The following SERPINB10 variants were observed in gnomAD, a reference collection of about 807,000 sequenced individuals.
SERPINB10 encodes serpin family B member 10.
In SERPINB10, 35 loss-of-function variants were observed where a neutral mutation model predicts 39.1. That is an observed-to-expected ratio of 0.90 (90% confidence interval 0.68 to 1.19). The LOEUF (loss-of-function observed/expected upper bound fraction) is 1.19, where lower values mean the gene tolerates loss of function less well. Ranked by LOEUF, SERPINB10 falls within the 50% of genes most tolerant of loss-of-function variation. The probability of loss-of-function intolerance (pLI) is 0.00; values close to 1 mark genes in which losing one functional copy is unlikely to be tolerated. For missense variants in SERPINB10, 546 were observed against 460.5 expected (o/e 1.19, Z -1.70); for synonymous variants, 190 against 158.1 (o/e 1.20, Z -1.52).
intron 2 of SERPINB10, among the ~76,000 whole-genome samples, chr18:63,916,239 AAT>A (rs59292522): frequency 0.11 from 16,822 of 151,546 alleles, 2,175 homozygotes; most frequent in African/African-American, 0.3. Flanking sequence ...TGCGTATGTA[AAT>A]ATATATATGT....
At chr18:63,934,151 A>G (rs781486479) in intron 7 of SERPINB10, among the ~76,000 whole-genome samples, 16 of 152,212 alleles carry the variant, frequency 1.1e-4, no homozygotes, top group Non-Finnish European at 1.8e-4. Context: ...ATGCATGTGC[A>G]TTGAAACAAA....
intron 6 of SERPINB10, among the ~76,000 whole-genome samples, chr18:63,930,518 A>G (rs1227232743): frequency 6.6e-6 from 1 of 152,160 alleles, no homozygotes; most frequent in East Asian, 1.9e-4. Flanking sequence ...CAAGAACCTA[A>G]GAGTCCTCAC....
chr18:63,908,951 C>T (rs2050044933), intron 1 of SERPINB10, among the ~76,000 whole-genome samples: 1 of 152,034 alleles, frequency 6.6e-6, no homozygotes, highest in South Asian at 2.1e-4. Context: ...TATTCACAGT[C>T]AAGATAACAC....
intron 4 of SERPINB10, among the ~76,000 whole-genome samples, chr18:63,918,844 A>G (rs1176892482): frequency 6.6e-6 from 1 of 151,988 alleles, no homozygotes. Context: ...CGTTTGATGC[A>G]GAAGTAGGAG....
At chr18:63,922,068 A>G (rs985386168) in intron 5 of SERPINB10, among the ~76,000 whole-genome samples, 1 of 151,884 alleles carries the variant, frequency 6.6e-6, no homozygotes, top group Non-Finnish European at 1.5e-5. Context: ...TTATACATCT[A>G]TGTCCCCTGC....
intron 4 of SERPINB10, 64 bp from the exon 5 acceptor site, chr18:63,919,724 A>G: frequency 3.6e-6 from 4 of 1,124,312 alleles, no homozygotes; most frequent in Non-Finnish European, 3.9e-6. Context: ...GATAATCTAA[A>G]TAGATTTGAT....
chr18:63,918,628 G>C (rs2050122490), intron 4 of SERPINB10, among the ~76,000 whole-genome samples: 1 of 151,922 alleles, frequency 6.6e-6, no homozygotes, highest in South Asian at 2.1e-4. Context: ...TGTGTCCAGT[G>C]GGCAAAGAGC....
intron 5 of SERPINB10, among the ~76,000 whole-genome samples, chr18:63,923,695 T>C (rs1351208088): frequency 6.6e-6 from 1 of 151,982 alleles, no homozygotes; most frequent in African/African-American, 2.4e-5. Context: ...CAAAATTGTG[T>C]ATATTATTTA....
At chr18:63,926,521 T>C (rs570058561) in intron 5 of SERPINB10, among the ~76,000 whole-genome samples, 1 of 152,078 alleles carries the variant, frequency 6.6e-6, no homozygotes, top group South Asian at 2.1e-4. Context: ...CCCACCACGG[T>C]GATACTCTCA....
chr18:63,932,531 TC>T (rs2050230555), intron 6 of SERPINB10, among the ~76,000 whole-genome samples: 1 of 152,200 alleles, frequency 6.6e-6, no homozygotes, highest in Non-Finnish European at 1.5e-5. Context: ...GTTTCTTAGA[TC>T]TTTTGCCCAT....
intron 1 of SERPINB10, among the ~76,000 whole-genome samples, chr18:63,909,956 A>G (rs987336956): frequency 6.6e-5 from 10 of 152,040 alleles, no homozygotes; most frequent in African/African-American, 2.4e-4. Flanking sequence ...ATTTAATCAA[A>G]TAATGTCAGC....
At chr18:63,918,281 G>A (rs1266363493) in intron 4 of SERPINB10, among the ~76,000 whole-genome samples, 179 bp downstream of exon 4, 5 of 151,932 alleles carry the variant, frequency 3.3e-5, no homozygotes, top group Admixed American at 2.0e-4. Flanking sequence ...ACCAATAACA[G>A]GTCTCAAATC....
intron 7 of SERPINB10, among the ~76,000 whole-genome samples, chr18:63,934,132 G>A (rs17072204): frequency 0.26 from 39,649 of 151,890 alleles, 5,246 homozygotes; most frequent in Admixed American, 0.33. Context: ...CAAAACTTCC[G>A]TCTAGAAGAT....
At chr18:63,924,626 A>C (rs982739955) in intron 5 of SERPINB10, among the ~76,000 whole-genome samples, 1 of 151,934 alleles carries the variant, frequency 6.6e-6, no homozygotes, top group Non-Finnish European at 1.5e-5. Context: ...GAATTATTTC[A>C]TTAATCTCAT....
At chr18:63,919,526 G>A (rs921317781) in intron 4 of SERPINB10, among the ~76,000 whole-genome samples, 2 of 151,912 alleles carry the variant, frequency 1.3e-5, no homozygotes, top group Admixed American at 1.3e-4. Flanking sequence ...GAAAGGAAGA[G>A]GATGTGGAAG....
chr18:63,929,712 C>CAAAAAAAAAAAAAAA (rs74169990), intron 5 of SERPINB10, among the ~76,000 whole-genome samples: 6 of 97,348 alleles, frequency 6.2e-5, no homozygotes, highest in South Asian at 3.8e-4. Context: ...AGCTAAAGTG[C>CAAAAAAAAAAAAAAA]AAAAAAAAAA....
intron 6 of SERPINB10, 109 bp from the exon 7 acceptor site, chr18:63,932,939 T>C: frequency 1.0e-6 from 1 of 964,300 alleles, no homozygotes; most frequent in Non-Finnish European, 1.6e-6. Flanking sequence ...TAGCAGAGAA[T>C]CAGCAGTTTC....
intron 1 of SERPINB10, among the ~76,000 whole-genome samples, chr18:63,913,345 T>C (rs915734636): frequency 2.6e-5 from 4 of 152,034 alleles, no homozygotes; most frequent in Non-Finnish European, 4.4e-5. Flanking sequence ...CTTGTTTCTC[T>C]AGTTCGTCTA....
chr18:63,935,503 T>G lies in SERPINB10; in HGVS notation c.*261T>G. ...TTTACATTTCAGAAGTACTATGCTA[T>G]TCAACTGAATGCCTTACAATTCTTG... On this transcript the variant is annotated 3_prime_UTR_variant, in exon 8 of 8. Coordinates refer to ENST00000238508, the MANE Select transcript of SERPINB10 (RefSeq NM_005024.3). The G allele has an allele frequency of 2.8e-6, 1 of 361,704 alleles. No homozygotes were observed. Among genetic ancestry groups the G allele is most frequent in the South Asian group, 8.1e-5 (1 of 12,280 alleles). 22.4% of individuals were successfully genotyped at this position (361,704 alleles called of 1,614,324 possible). A position where few individuals can be genotyped will look rare whatever the true frequency, so the allele number is the denominator to read the frequency against.
Sources: allele counts gnomAD v4.1 joint callset (sites outside exome capture counted in the v4.1 genomes callset), GRCh38; gene constraint gnomAD v4.1.1; transcripts MANE v1.5; gene names NCBI Gene and HGNC (gene_info 2026-07-23, HGNC 2026-07-21).